PPFIA2: variants seen among roughly 807,000 people sequenced by gnomAD.
PPFIA2 encodes the protein PPFI scaffold protein A2.
In PPFIA2, 46 loss-of-function variants were observed where a neutral mutation model predicts 175.5. That is an observed-to-expected ratio of 0.26 (90% CI 0.21 to 0.34). The LOEUF (loss-of-function observed/expected upper bound fraction) is 0.34, where lower values mean the gene tolerates loss of function less well. PPFIA2 is among the 10% of genes least tolerant of loss of function. PPFIA2 has a pLI of 1.00. For synonymous variants in PPFIA2, 568 were observed against 511.4 expected, an observed-to-expected ratio of 1.11 and a Z score of -1.49; for missense variants, 1,179 against 1,506.1, an observed-to-expected ratio of 0.78 and a Z score of 3.60.
chr12:81,277,381 C>T lies in PPFIA2; in HGVS notation c.3246G>A (p.Lys1082=). 6.4e-7 allele frequency: 1 copy of T among 1,558,570 alleles called. No homozygotes were observed. The highest frequency in any genetic ancestry group is 8.7e-7 in the Non-Finnish European group (1 of 1,153,138). The change falls in exon 28 of 33, where the codon AAG becomes AAA. Residue 1082 remains lysine, a synonymous_variant. Coordinates refer to ENST00000549396, the MANE Select transcript of PPFIA2 (RefSeq NM_003625.5). ...GTTCTTTTCTGTCATAATTCAACCT[C>T]TTTAAGCACATAATTCCATATTGTA... The part of the protein sequence containing the change: ...TSLQYGIMCL[K]RLNYDRKELE...
At chr12:81,379,687 G>T (rs978271214) in intron 9 of PPFIA2, among the ~76,000 whole-genome samples, 7 of 152,006 alleles carry the variant, frequency 4.6e-5, no homozygotes, top group South Asian at 2.1e-4. Flanking sequence ...TCCAACTCAC[G>T]TATTCTTCCT....
rs572627570 is a variant in PPFIA2, at chr12:81,392,650, T to G, written c.763-8406A>C. 3.9e-5 allele frequency among the ~76,000 whole-genome samples: 6 copies of G among 152,142 alleles called. No individual in the cohort carries two copies. In the South Asian group the frequency reaches 1.2e-3, roughly 32 times the overall value. On this transcript the variant is annotated intron_variant, in intron 8 of 32. Coordinates refer to ENST00000549396, the MANE Select transcript of PPFIA2 (RefSeq NM_003625.5). Reference sequence around the variant, plus strand: ...AATATATATTCCTAAAATTTTTATCTCTATTAAAAGTTTAAATCTTAACTT... The same window carrying G: ...AATATATATTCCTAAAATTTTTATCGCTATTAAAAGTTTAAATCTTAACTT...
At chr12:81,264,625 A>G (rs1315714483) in intron 30 of PPFIA2, among the ~76,000 whole-genome samples, 2 of 152,242 alleles carry the variant, frequency 1.3e-5, no homozygotes, top group Non-Finnish European at 2.9e-5. Flanking sequence ...TAGGCTTTGT[A>G]GACTGCTATA....
chr12:81,566,882 C>T (rs375583334), intron 4 of PPFIA2, among the ~76,000 whole-genome samples: 1 of 152,168 alleles, frequency 6.6e-6, no homozygotes, highest in East Asian at 1.9e-4. Flanking sequence ...AGATGTATAT[C>T]AGTACTCAAC....
At chr12:81,458,396 T>G (rs1387220498) in intron 4 of PPFIA2, among the ~76,000 whole-genome samples, 2 of 152,008 alleles carry the variant, frequency 1.3e-5, no homozygotes, top group Non-Finnish European at 2.9e-5. Context: ...TTTGATAGCA[T>G]TATCTAAGAT....
At chr12:81,624,749 T>C (rs1007041771) in intron 4 of PPFIA2, among the ~76,000 whole-genome samples, 1 of 150,956 alleles carries the variant, frequency 6.6e-6, no homozygotes, top group Non-Finnish European at 1.5e-5. Context: ...AAACTGTAGG[T>C]TCTCCCTTAT....
In PPFIA2 at chr12:81,437,251, A is replaced by G. The variant is rs117246138; in HGVS notation, c.645+2721T>C. Among the ~76,000 whole-genome samples, 1,130 of 152,204 alleles carry G rather than the reference A, an allele frequency of 7.4e-3. 8 individuals are homozygous for G. The highest frequency in any genetic ancestry group is 0.017 in the South Asian group (83 of 4,820). On this transcript the variant is annotated intron_variant, in intron 7 of 32. Transcript: ENST00000549396. ...CAAATTTTCAGAGCCTCACTTTGAG[A>G]CAGAGTCTGGCTGTGTTGCCTAGGC...
At position 81,311,749 on chromosome 12, in the gene PPFIA2, A is replaced by AGAAAG. The variant is rs1555249969; in HGVS notation, c.2643-12368_2643-12367insCTTTC. The stretch of plus-strand genomic sequence containing the variant: ...CTCTGTCTCAAAAAAAAAAAAAAAA[A>AGAAAG]AAAGAAAGAAAGAAAGAAAGAAAGG... On this transcript the variant is annotated intron_variant, in intron 22 of 32. Transcript: ENST00000549396. Among the ~76,000 whole-genome samples the AGAAAG allele has an allele frequency of 3.4e-4, 49 of 143,090 alleles. 1 individual carries two copies. Among genetic ancestry groups the AGAAAG allele is most frequent in the African/African-American group, 1.3e-3 (48 of 37,706 alleles). 93.9% of individuals were successfully genotyped at this position (143,090 alleles called of 152,430 possible).
intron 3 of PPFIA2, among the ~76,000 whole-genome samples, chr12:81,723,039 C>T (rs2079555323): frequency 1.3e-5 from 2 of 151,008 alleles, no homozygotes; most frequent in South Asian, 4.1e-4. Flanking sequence ...ATTTAACCTC[C>T]TATGATCTGC....
chr12:81,310,493 C>T (rs946914501), intron 22 of PPFIA2, among the ~76,000 whole-genome samples: 3 of 152,044 alleles, frequency 2.0e-5, no homozygotes, highest in South Asian at 4.1e-4. Flanking sequence ...AAGAATGCAT[C>T]ATTCATTCAT....
chr12:81,605,917 C>A (rs1460507122), intron 4 of PPFIA2, among the ~76,000 whole-genome samples: 1 of 151,762 alleles, frequency 6.6e-6, no homozygotes, highest in Non-Finnish European at 1.5e-5. Context: ...GTATTGCACC[C>A]AGGTAGTGAG....
intron 21 of PPFIA2, among the ~76,000 whole-genome samples, chr12:81,329,042 G>T (rs990818393): frequency 6.6e-6 from 1 of 151,982 alleles, no homozygotes; most frequent in Non-Finnish European, 1.5e-5. Flanking sequence ...GGCCTCAAGG[G>T]ATCCTTTGAC....
intron 4 of PPFIA2, among the ~76,000 whole-genome samples, chr12:81,503,259 T>G (rs1353105726): frequency 6.6e-6 from 1 of 152,100 alleles, no homozygotes; most frequent in Non-Finnish European, 1.5e-5. Context: ...TTTAGAAGCT[T>G]CACCCTCCAA....
intron 3 of PPFIA2, among the ~76,000 whole-genome samples, chr12:81,677,167 A>G (rs1395993378): frequency 6.6e-6 from 1 of 151,964 alleles, no homozygotes; most frequent in Non-Finnish European, 1.5e-5. Context: ...TACTATTTTG[A>G]AAAATATTAA....
intron 30 of PPFIA2, among the ~76,000 whole-genome samples, chr12:81,265,291 C>CCAAAA (rs1555194468): frequency 1.4e-5 from 1 of 70,000 alleles, no homozygotes; most frequent in Non-Finnish European, 2.5e-5. Flanking sequence ...GAAACTCTGT[C>CCAAAA]AAAAAAAAAA....
chr12:81,316,037 C>T (rs1780057002), intron 22 of PPFIA2, among the ~76,000 whole-genome samples: 1 of 151,516 alleles, frequency 6.6e-6, no homozygotes, highest in African/African-American at 2.4e-5. Context: ...ATTAAAATTT[C>T]AATTATGGAG....
chr12:81,320,654 T>C (rs1473464376), intron 22 of PPFIA2, among the ~76,000 whole-genome samples: 2 of 152,068 alleles, frequency 1.3e-5, no homozygotes, highest in Non-Finnish European at 2.9e-5. Flanking sequence ...AAAAAAATTA[T>C]ATAATGTTAC....
intron 17 of PPFIA2, among the ~76,000 whole-genome samples, chr12:81,350,864 T>A (rs548045618): frequency 1.3e-5 from 2 of 152,026 alleles, no homozygotes; most frequent in Non-Finnish European, 2.9e-5. Flanking sequence ...TGAATAATAG[T>A]AGAAGGAAGC....
At chr12:81,515,385 T>C (rs2062298361) in intron 4 of PPFIA2, among the ~76,000 whole-genome samples, 1 of 152,010 alleles carries the variant, frequency 6.6e-6, no homozygotes, top group Non-Finnish European at 1.5e-5. Flanking sequence ...GCAAATAACA[T>C]ACAAATCTAA....
Sources: allele counts gnomAD v4.1 joint callset (sites outside exome capture counted in the v4.1 genomes callset), GRCh38; gene constraint gnomAD v4.1.1; transcripts MANE v1.5; gene names NCBI Gene and HGNC (gene_info 2026-07-23, HGNC 2026-07-21).